KCNMA1: variants seen among roughly 807,000 people sequenced by gnomAD.
The protein encoded by KCNMA1 is potassium calcium-activated channel subfamily M alpha 1.
In KCNMA1, 29 loss-of-function variants were observed where a neutral mutation model predicts 140.0. The observed-to-expected ratio is 0.21, with a 90% CI of 0.15 to 0.28. The LOEUF (loss-of-function observed/expected upper bound fraction) is 0.28, where lower values mean the gene tolerates loss of function less well. KCNMA1 is among the 10% of genes least tolerant of loss of function. The pLI is 1.00. For synonymous variants in KCNMA1, 612 were observed against 611.9 expected (o/e 1.00, Z 0.00); for missense variants, 880 against 1,602.2 (o/e 0.55, Z 7.70).
chr10:77,625,467 C>T (rs1184085600), intron 1 of KCNMA1, among the ~76,000 whole-genome samples: 2 of 152,182 alleles, frequency 1.3e-5, no homozygotes, highest in Admixed American at 6.5e-5. Context: ...TGCATCCCAT[C>T]TCCAGAACTT....
chr10:77,349,080 T>A (rs575392183), intron 2 of KCNMA1, among the ~76,000 whole-genome samples: 1 of 152,372 alleles, frequency 6.6e-6, no homozygotes, highest in African/African-American at 2.4e-5. Flanking sequence ...CTCCTTGCTA[T>A]GCTCTGAATG....
intron 2 of KCNMA1, among the ~76,000 whole-genome samples, chr10:77,363,871 C>G (rs2094164168): frequency 6.6e-6 from 1 of 152,324 alleles, no homozygotes; most frequent in East Asian, 1.9e-4. Context: ...CTCCTGCCCC[C>G]TTCTCTCCTA....
intron 1 of KCNMA1, among the ~76,000 whole-genome samples, chr10:77,525,397 G>C (rs915034403): frequency 6.6e-6 from 1 of 152,166 alleles, no homozygotes; most frequent in African/African-American, 2.4e-5. Context: ...TAACCACCCA[G>C]AAAGTGCAGG....
chr10:77,016,835 A>G (rs1321261214), intron 17 of KCNMA1, among the ~76,000 whole-genome samples: 3 of 152,192 alleles, frequency 2.0e-5, no homozygotes, highest in Non-Finnish European at 2.9e-5. Flanking sequence ...TCTACAAGCT[A>G]GAATTCATTA....
rs1333285156 is a variant in KCNMA1 at position 77,000,882 on chromosome 10, A to G, written c.2266+525T>C. 5.3e-4 allele frequency among the ~76,000 whole-genome samples: 59 copies of G among 110,806 alleles called. 3 individuals are homozygous for G. Among genetic ancestry groups the G allele is most frequent in the African/African-American group, 2.1e-3 (57 of 27,078 alleles). 72.7% of individuals were successfully genotyped at this position (110,806 alleles called of 152,430 possible). On this transcript the variant is annotated intron_variant, in intron 19 of 27. Coordinates refer to ENST00000286628, the MANE Select transcript of KCNMA1 (RefSeq NM_001161352.2). The stretch of plus-strand genomic sequence containing the variant: ...AATATATATATATATATATATATAT[A>G]TATATATATATATATATATCCATCT...
chr10:77,480,429 A>G (rs2098368588), intron 1 of KCNMA1, among the ~76,000 whole-genome samples: 1 of 152,176 alleles, frequency 6.6e-6, no homozygotes, highest in Non-Finnish European at 1.5e-5. Flanking sequence ...CTCTTCCTAA[A>G]TTGCAGCAGA....
chr10:77,196,863 A>G (rs934611641), intron 3 of KCNMA1, among the ~76,000 whole-genome samples: 4 of 152,206 alleles, frequency 2.6e-5, no homozygotes, highest in Non-Finnish European at 4.4e-5. Context: ...CTAAAATGCA[A>G]AGTATCTATT....
At chr10:76,927,480 C>T (rs940936801) in intron 23 of KCNMA1, among the ~76,000 whole-genome samples, 1 of 152,116 alleles carries the variant, frequency 6.6e-6, no homozygotes, top group Admixed American at 6.5e-5. Flanking sequence ...GATGCTATCT[C>T]GGGCATTGTG....
intron 3 of KCNMA1, among the ~76,000 whole-genome samples, chr10:77,187,749 C>T (rs117981668): frequency 6.6e-6 from 1 of 152,098 alleles, no homozygotes; most frequent in Non-Finnish European, 1.5e-5. Flanking sequence ...CTATTTCCTG[C>T]TTGCCACTAC....
intron 1 of KCNMA1, among the ~76,000 whole-genome samples, chr10:77,572,543 C>CT (rs1305991368): frequency 1.1e-5 from 1 of 91,862 alleles, no homozygotes; most frequent in Non-Finnish European, 2.1e-5. Flanking sequence ...TGGCAAAACT[C>CT]TGTCGCTCCA....
intron 2 of KCNMA1, among the ~76,000 whole-genome samples, chr10:77,393,967 C>T (rs77283674): frequency 6.6e-6 from 1 of 152,252 alleles, no homozygotes; most frequent in South Asian, 2.1e-4. Flanking sequence ...CAGGCCCCCA[C>T]TGACCTGTGC....
At chr10:77,086,431 TC>T in intron 11 of KCNMA1, 56 bp downstream of exon 11, 2 of 1,286,794 alleles carry the variant, frequency 1.6e-6, no homozygotes, top group Non-Finnish European at 2.3e-6. Flanking sequence ...GAGTCAGGAC[TC>T]CCCCCAGACC....
intron 2 of KCNMA1, among the ~76,000 whole-genome samples, chr10:77,295,949 AATT>A (rs1439747987): frequency 3.3e-5 from 5 of 152,130 alleles, no homozygotes; most frequent in African/African-American, 1.2e-4. Context: ...CTTTAAAAGT[AATT>A]TTGTAAAAGG....
intron 5 of KCNMA1, among the ~76,000 whole-genome samples, chr10:77,125,916 C>A (rs1203985564): frequency 6.6e-6 from 1 of 152,168 alleles, no homozygotes; most frequent in Non-Finnish European, 1.5e-5. Context: ...CCTGCGGGGT[C>A]CCCTGAGAGA....
chr10:77,546,026 CT>C (rs911610771), intron 1 of KCNMA1, among the ~76,000 whole-genome samples: 2 of 152,224 alleles, frequency 1.3e-5, no homozygotes, highest in African/African-American at 4.8e-5. Flanking sequence ...TCTGAACTCA[CT>C]TATTCCAGGC....
At chr10:77,516,375 G>A (rs816842) in intron 1 of KCNMA1, among the ~76,000 whole-genome samples, 16,196 of 151,998 alleles carry the variant, frequency 0.11, 1,167 homozygotes, top group African/African-American at 0.18. Context: ...TGTTTCATTT[G>A]TGCTTGTGCA....
At chr10:77,191,517 G>A (rs1201519568) in intron 3 of KCNMA1, among the ~76,000 whole-genome samples, 2 of 151,934 alleles carry the variant, frequency 1.3e-5, no homozygotes, top group Admixed American at 1.3e-4. Context: ...TTCTAATATC[G>A]ATTCTTCTCA....
chr10:77,560,493 C>G (rs1203868888), intron 1 of KCNMA1, among the ~76,000 whole-genome samples: 1 of 152,206 alleles, frequency 6.6e-6, no homozygotes, highest in Non-Finnish European at 1.5e-5. Flanking sequence ...ACAGCATGGT[C>G]AAGGCCACTC....
At position 77,637,228 on chromosome 10, in the gene KCNMA1, G is replaced by A. The variant is rs200011875; in HGVS notation, c.378+37C>T. ...GCAGGGGACGCCGAGAAGCGGTGGG[G>A]CTGGCGCAGAGGGCGGGCGCCCGGG... On this transcript the variant is annotated intron_variant, in intron 1 of 27. Transcript: ENST00000286628. 493 of 1,551,150 alleles carry A rather than the reference G, an allele frequency of 3.2e-4. 12 individuals carry two copies. In the South Asian group the frequency reaches 5.5e-3, roughly 17 times the overall value.
Sources: gnomAD v4.1 joint callset for allele counts (sites outside exome capture counted in the v4.1 genomes callset) on GRCh38, gnomAD v4.1.1 for gene constraint, MANE v1.5 for transcripts, NCBI Gene and HGNC (gene_info 2026-07-23, HGNC 2026-07-21) for gene names.